Variants in TFB1M observed in about 807,000 individuals in gnomAD.
TFB1M encodes dimethyladenosine transferase 1, mitochondrial.
Under a neutral mutation model 31.1 loss-of-function variants are expected in TFB1M, and 27 were observed. The ratio of observed to expected loss-of-function variants is 0.87; its 90% CI spans 0.64 to 1.20. The LOEUF is 1.20. Ranked by LOEUF, TFB1M falls within the 50% of genes most tolerant of loss-of-function variation. The probability of loss-of-function intolerance (pLI) is 0.00; values close to 1 mark genes in which losing one functional copy is unlikely to be tolerated. For missense variants in TFB1M, 394 were observed against 418.7 expected, an observed-to-expected ratio of 0.94 and a Z score of 0.51; for synonymous variants, 166 against 151.8, an observed-to-expected ratio of 1.09 and a Z score of -0.69.
At chr6:155,310,838 C>A in intron 2 of TFB1M, 1 of 257,328 alleles carries the variant, frequency 3.9e-6, no homozygotes, top group Non-Finnish European at 7.6e-6. Flanking sequence ...TGAGTCATTA[C>A]TGGCCATTAT....
chr6:155,280,384 C>T (rs80088126), intron 5 of TFB1M, among the ~76,000 whole-genome samples: 8,854 of 152,276 alleles, frequency 0.058, 284 homozygotes, highest in Middle Eastern at 0.075. Flanking sequence ...GCACAGGTTC[C>T]AATAAGCTGG....
chr6:155,275,568 TTTAC>T (rs1476761077), intron 5 of TFB1M: 4 of 740,100 alleles, frequency 5.4e-6, no homozygotes, highest in African/African-American at 1.8e-5. Context: ...AAGCCTTTTG[TTTAC>T]TTACTTTCTT....
chr6:155,234,569 A>T, the TFB1M span, among the ~76,000 whole-genome samples: 8 of 151,464 alleles, frequency 5.3e-5, no homozygotes, highest in African/African-American at 7.3e-5. Flanking sequence ...TGGCCGGCTA[A>T]TTTTTTTTTA....
At chr6:155,303,640 G>A (rs1054268807) in intron 2 of TFB1M, 1 of 152,186 alleles carries the variant, frequency 6.6e-6, no homozygotes, top group African/African-American at 2.4e-5. Flanking sequence ...TAAAAAAATT[G>A]TTAGAGATTA....
intron 6 of TFB1M, among the ~76,000 whole-genome samples, 197 bp from the exon 7 acceptor site, chr6:155,258,279 G>A (rs2114656351): frequency 6.6e-6 from 1 of 152,322 alleles, no homozygotes; most frequent in East Asian, 1.9e-4. Flanking sequence ...TCTAACCTGA[G>A]GCGCGAGGCA....
intron 5 of TFB1M, among the ~76,000 whole-genome samples, chr6:155,279,133 C>T (rs974815099): frequency 6.6e-5 from 10 of 151,924 alleles, no homozygotes; most frequent in Admixed American, 1.3e-4. Flanking sequence ...AAATCATAGT[C>T]TAATTTATCG....
downstream of TFB1M, chr6:155,254,446 T>G (rs1209688247): frequency 1.9e-6 from 3 of 1,613,714 alleles, no homozygotes; most frequent in African/African-American, 2.7e-5. Context: ...CCAACATTGT[T>G]AAGGTGATTC....
Position 155,256,509 on chromosome 6 carries a change from G to A in TFB1M, c.*1327C>T, listed in dbSNP as rs756501590. The A allele has an allele frequency of 6.2e-6, 10 of 1,614,230 alleles. No homozygotes were observed. In the East Asian group the frequency reaches 1.6e-4, roughly 25 times the overall value. The stretch of plus-strand genomic sequence containing the variant: ...CTTCATCCAGGTCTTTAAAAGTCCT[G>A]AAGAATTCCTCCAGCAACGAGTGGA... On this transcript the variant is annotated 3_prime_UTR_variant, in exon 7 of 7. Coordinates refer to ENST00000367166, the MANE Select transcript of TFB1M (RefSeq NM_016020.4).
the TFB1M span, among the ~76,000 whole-genome samples, chr6:155,239,347 T>A: frequency 6.6e-6 from 1 of 152,172 alleles, no homozygotes; most frequent in African/African-American, 2.4e-5. Flanking sequence ...GCCGAGTACC[T>A]CCTGTGCTGG....
chr6:155,241,072 C>T, the TFB1M span, among the ~76,000 whole-genome samples: 8 of 152,144 alleles, frequency 5.3e-5, no homozygotes, highest in Non-Finnish European at 1.0e-4. Flanking sequence ...TCTGTACATA[C>T]GTGACGGCTG....
In TFB1M at chr6:155,258,158, A is replaced by G. The variant is rs564615167; in HGVS notation, c.795-76T>C. On this transcript the variant is annotated intron_variant, in intron 6 of 6. Transcript: ENST00000367166. ...CAAATCATGACACTTTTTAACCCTCATTTGAAAACAACACAACACAGTTGC... is the reference window on the plus strand; with the variant it reads ...CAAATCATGACACTTTTTAACCCTCGTTTGAAAACAACACAACACAGTTGC... 2.5e-5 allele frequency: 38 copies of G among 1,550,752 alleles called. No homozygotes were observed. In the African/African-American group the frequency reaches 3.1e-4, roughly 13 times the overall value.
At chr6:155,278,433 G>GT (rs1240539992) in intron 5 of TFB1M, among the ~76,000 whole-genome samples, 1 of 152,204 alleles carries the variant, frequency 6.6e-6, no homozygotes, top group East Asian at 1.9e-4. Context: ...GAAATTATGA[G>GT]TTTACATGAT....
intron 4 of TFB1M, among the ~76,000 whole-genome samples, chr6:155,294,346 T>C (rs970889595): frequency 3.3e-5 from 5 of 152,124 alleles, no homozygotes; most frequent in Admixed American, 1.3e-4. Flanking sequence ...TTAAGAATGC[T>C]TGCTCTTCAA....
In TFB1M at chr6:155,257,019, C is replaced by T. The variant is rs145411858; in HGVS notation, c.*817G>A. ...ACAGTCAGTCTGAAAATGCCACCATCGACCTAAATTCTGTTCTAGAGCGAG... is the reference window on the plus strand; with the variant it reads ...ACAGTCAGTCTGAAAATGCCACCATTGACCTAAATTCTGTTCTAGAGCGAG... On this transcript the variant is annotated 3_prime_UTR_variant, in exon 7 of 7. Transcript: ENST00000367166. 5.0e-6 allele frequency: 8 copies of T among 1,614,032 alleles called. No individual in the cohort carries two copies. The highest frequency in any genetic ancestry group is 2.7e-5 in the African/African-American group (2 of 74,914).
the TFB1M span, among the ~76,000 whole-genome samples, chr6:155,238,638 C>G: frequency 6.6e-6 from 1 of 152,254 alleles, no homozygotes; most frequent in African/African-American, 2.4e-5. Flanking sequence ...AGCAGGCTCC[C>G]TCCAGGACAT....
chr6:155,244,207 A>T, the TFB1M span: 2 of 908,546 alleles, frequency 2.2e-6, no homozygotes. Flanking sequence ...CGGTCTTCTG[A>T]GAGTCCCAGG....
chr6:155,230,165 C>T, the TFB1M span, among the ~76,000 whole-genome samples: 1 of 152,100 alleles, frequency 6.6e-6, no homozygotes, highest in East Asian at 1.9e-4. Context: ...CTGAACTCAC[C>T]TCCAGGTGGG....
At chr6:155,231,802 T>C in the TFB1M span, among the ~76,000 whole-genome samples, 2 of 152,236 alleles carry the variant, frequency 1.3e-5, no homozygotes, top group Non-Finnish European at 2.9e-5. Context: ...GTGTTGGGCA[T>C]GGTGGCTTGC....
chr6:155,300,827 T>A (rs1480899974), intron 2 of TFB1M, among the ~76,000 whole-genome samples: 2 of 152,142 alleles, frequency 1.3e-5, no homozygotes, highest in African/African-American at 4.8e-5. Context: ...TTTTTTGAGA[T>A]GGAGTCTCGC....
Sources: allele counts gnomAD v4.1 joint callset (sites outside exome capture counted in the v4.1 genomes callset), GRCh38; gene constraint gnomAD v4.1.1; transcripts MANE v1.5; gene names NCBI Gene and HGNC (gene_info 2026-07-23, HGNC 2026-07-21).